The following CFAP299 variants were observed in gnomAD, a reference collection of about 807,000 sequenced individuals.
CFAP299 encodes the protein cilia and flagella associated protein 299.
CFAP299 carries 21 observed loss-of-function variants against 27.0 expected under a neutral mutation model. That is an observed-to-expected ratio of 0.78 (90% confidence interval 0.55 to 1.12). The LOEUF (loss-of-function observed/expected upper bound fraction) is 1.12, where lower values mean the gene tolerates loss of function less well. Among genes scored for constraint, CFAP299 ranks in the 50% most tolerant of loss-of-function variants. CFAP299 has a pLI of 0.00. For synonymous variants in CFAP299, 104 were observed against 98.1 expected (o/e 1.06, Z -0.36); for missense variants, 310 against 276.6 (o/e 1.12, Z -0.86).
At chr4:80,536,989 C>G (rs1480031507) in intron 2 of CFAP299, among the ~76,000 whole-genome samples, 1 of 152,000 alleles carries the variant, frequency 6.6e-6, no homozygotes, top group Non-Finnish European at 1.5e-5. Context: ...GGAACTCAAA[C>G]ACTTCAGTTG....
chr4:80,651,367 C>CTT (rs11365987), intron 3 of CFAP299, among the ~76,000 whole-genome samples: 18 of 133,790 alleles, frequency 1.3e-4, no homozygotes, highest in East Asian at 4.3e-4. Context: ...TCTTCTTCTT[C>CTT]TTTTTTTTTT....
intron 4 of CFAP299, among the ~76,000 whole-genome samples, chr4:80,895,677 TC>T (rs991802490): frequency 6.6e-6 from 1 of 152,024 alleles, no homozygotes; most frequent in African/African-American, 2.4e-5. Context: ...CAAAGAGATT[TC>T]AATCCCTCCT....
intron 2 of CFAP299, among the ~76,000 whole-genome samples, chr4:80,374,142 G>A (rs761792566): frequency 7.2e-5 from 11 of 152,104 alleles, no homozygotes; most frequent in South Asian, 4.1e-4. Context: ...GTACCAGAAT[G>A]CAATGCCCTG....
chr4:80,665,316 C>G (rs1013092335), intron 3 of CFAP299, among the ~76,000 whole-genome samples: 2 of 152,204 alleles, frequency 1.3e-5, no homozygotes, highest in African/African-American at 4.8e-5. Flanking sequence ...TATGATTACT[C>G]CTCACAATAA....
intron 3 of CFAP299, among the ~76,000 whole-genome samples, chr4:80,688,114 G>T (rs1395146035): frequency 6.6e-6 from 1 of 152,356 alleles, no homozygotes; most frequent in South Asian, 2.1e-4. Context: ...GGCTGGGGGA[G>T]GGGCGCCCGC....
intron 2 of CFAP299, among the ~76,000 whole-genome samples, chr4:80,393,460 C>T (rs924797485): frequency 6.6e-6 from 1 of 151,054 alleles, no homozygotes; most frequent in African/African-American, 2.4e-5. Flanking sequence ...CTCACTGACT[C>T]ACTGAAAGCA....
At chr4:80,707,054 G>T (rs1255927877) in intron 3 of CFAP299, among the ~76,000 whole-genome samples, 1 of 151,930 alleles carries the variant, frequency 6.6e-6, no homozygotes, top group African/African-American at 2.4e-5. Context: ...CAAGACTTAA[G>T]CAAAGTGCTT....
chr4:80,713,657 C>A (rs1042259988), intron 3 of CFAP299, among the ~76,000 whole-genome samples: 3 of 152,122 alleles, frequency 2.0e-5, no homozygotes, highest in Non-Finnish European at 4.4e-5. Context: ...TTTATTATCC[C>A]CATGTTTAGA....
At chr4:80,856,066 CTGT>C (rs1490754377) in intron 3 of CFAP299, among the ~76,000 whole-genome samples, 2 of 151,134 alleles carry the variant, frequency 1.3e-5, no homozygotes, top group African/African-American at 4.9e-5. Flanking sequence ...TCTCCAGCAC[CTGT>C]TGTTTCCTGA....
At chr4:80,941,626 A>G (rs1205272265) in intron 4 of CFAP299, among the ~76,000 whole-genome samples, 1 of 152,202 alleles carries the variant, frequency 6.6e-6, no homozygotes, top group Non-Finnish European at 1.5e-5. Flanking sequence ...TCGCACTACT[A>G]TAAAGAAACA....
chr4:80,878,194 T>G (rs983185674), intron 4 of CFAP299, among the ~76,000 whole-genome samples: 1 of 152,138 alleles, frequency 6.6e-6, no homozygotes, highest in African/African-American at 2.4e-5. Flanking sequence ...AGAGCACCTC[T>G]CTCCATACTT....
intron 3 of CFAP299, among the ~76,000 whole-genome samples, chr4:80,590,293 G>T (rs933119231): frequency 6.6e-6 from 1 of 152,112 alleles, no homozygotes; most frequent in Non-Finnish European, 1.5e-5. Flanking sequence ...TTAATAGAAA[G>T]TGTGAGGATT....
intron 3 of CFAP299, among the ~76,000 whole-genome samples, chr4:80,812,616 G>A (rs1273342173): frequency 1.3e-5 from 2 of 152,200 alleles, no homozygotes; most frequent in South Asian, 2.1e-4. Flanking sequence ...ATGAACTAAT[G>A]TAGAACTTGC....
At chr4:80,870,885 A>G (rs960927333) in intron 4 of CFAP299, 2 of 985,082 alleles carry the variant, frequency 2.0e-6, no homozygotes, top group African/African-American at 3.5e-5. Context: ...TTATCTGAAG[A>G]CTTCCTTATC....
chr4:80,695,898 C>T (rs1368970545), intron 3 of CFAP299, among the ~76,000 whole-genome samples: 1 of 152,042 alleles, frequency 6.6e-6, no homozygotes, highest in East Asian at 1.9e-4. Flanking sequence ...AATCTGCTTA[C>T]CTTGGCTTCC....
chr4:80,831,458 G>A (rs114290166), intron 3 of CFAP299, among the ~76,000 whole-genome samples: 1,646 of 152,132 alleles, frequency 0.011, 34 homozygotes, highest in African/African-American at 0.037. Context: ...ACTTCCCAAC[G>A]AGGCCAATCC....
At chr4:80,730,264 GTGTGTGTGTGTGTGTA>G (rs1578067645) in intron 3 of CFAP299, among the ~76,000 whole-genome samples, 1 of 149,414 alleles carries the variant, frequency 6.7e-6, no homozygotes, top group African/African-American at 2.5e-5. Context: ...GTGTGTGTGT[GTGTGTGTGTGTGTGTA>G]TGTGTGTGTG....
At chr4:80,578,495 T>C (rs978461940) in intron 2 of CFAP299, among the ~76,000 whole-genome samples, 1 of 152,168 alleles carries the variant, frequency 6.6e-6, no homozygotes, top group Non-Finnish European at 1.5e-5. Flanking sequence ...TTTATCTTCC[T>C]CATTGAGTTT....
chr4:80,592,268 G>A (rs1446079244), intron 3 of CFAP299, among the ~76,000 whole-genome samples: 2 of 152,018 alleles, frequency 1.3e-5, no homozygotes, highest in Non-Finnish European at 2.9e-5. Flanking sequence ...CATAACTGAG[G>A]AAGCATTTAC....
Sources: gnomAD v4.1 joint callset for allele counts (sites outside exome capture counted in the v4.1 genomes callset) on GRCh38, gnomAD v4.1.1 for gene constraint, MANE v1.5 for transcripts, NCBI Gene and HGNC (gene_info 2026-07-23, HGNC 2026-07-21) for gene names.